ELF5: variants seen among roughly 807,000 people sequenced by gnomAD.
ELF5 encodes ETS-related transcription factor Elf-5.
Under a neutral mutation model 38.2 loss-of-function variants are expected in ELF5, and 31 were observed. The ratio of observed to expected loss-of-function variants is 0.81; its 90% CI spans 0.61 to 1.10. ELF5 has a LOEUF of 1.10. Ranked by LOEUF, ELF5 falls within the 50% of genes least tolerant of loss-of-function variation. The probability of loss-of-function intolerance (pLI) is 0.00; values close to 1 mark genes in which losing one functional copy is unlikely to be tolerated. For missense variants in ELF5, 300 were observed against 306.6 expected (o/e 0.98, Z 0.16); for synonymous variants, 121 against 112.5 (o/e 1.08, Z -0.48).
intron 2 of ELF5, among the ~76,000 whole-genome samples, chr11:34,503,707 C>A (rs972099098): frequency 2.6e-5 from 4 of 152,230 alleles, no homozygotes; most frequent in Non-Finnish European, 5.9e-5. Context: ...CTGCCTCGGC[C>A]TTCCAAAGTG....
chr11:34,499,321 A>G (rs1222423047), intron 2 of ELF5, among the ~76,000 whole-genome samples: 1 of 152,052 alleles, frequency 6.6e-6, no homozygotes, highest in Non-Finnish European at 1.5e-5. Flanking sequence ...GGCTCACCGC[A>G]GGCTCACCCT....
At chr11:34,509,062 G>A (rs576557226) in intron 1 of ELF5, among the ~76,000 whole-genome samples, 4 of 152,314 alleles carry the variant, frequency 2.6e-5, no homozygotes, top group African/African-American at 9.6e-5. Flanking sequence ...GGGTGCGGTG[G>A]TTCATGCCTG....
intron 2 of ELF5, among the ~76,000 whole-genome samples, chr11:34,496,374 C>T (rs1435466940): frequency 8.0e-5 from 12 of 149,656 alleles, no homozygotes; most frequent in African/African-American, 2.4e-4. Flanking sequence ...CTCTGGGTGC[C>T]ATGGCAGGCC....
At chr11:34,493,780 A>G in intron 2 of ELF5, 68 bp from the exon 3 acceptor site, 1 of 1,383,420 alleles carries the variant, frequency 7.2e-7, no homozygotes, top group Non-Finnish European at 1.0e-6. Flanking sequence ...CCCCTGAAGG[A>G]TGCATCAGTT....
intron 4 of ELF5, among the ~76,000 whole-genome samples, chr11:34,486,906 T>A (rs1590324083): frequency 1.3e-5 from 2 of 152,312 alleles, no homozygotes; most frequent in East Asian, 3.9e-4. Flanking sequence ...CAGGTCTTGG[T>A]CTTTGGATGG....
chr11:34,489,521 G>T (rs1564977209), intron 4 of ELF5, among the ~76,000 whole-genome samples: 1 of 152,156 alleles, frequency 6.6e-6, no homozygotes, highest in Non-Finnish European at 1.5e-5. Context: ...AGTGAAACAG[G>T]GAAGGTTAAT....
chr11:34,489,742 C>A (rs145757615), intron 4 of ELF5, among the ~76,000 whole-genome samples: 4 of 152,174 alleles, frequency 2.6e-5, no homozygotes, highest in Non-Finnish European at 5.9e-5. Flanking sequence ...AAACTTACCA[C>A]GACCCACAAG....
At chr11:34,506,170 A>G (rs1453133100) in intron 1 of ELF5, among the ~76,000 whole-genome samples, 1 of 152,226 alleles carries the variant, frequency 6.6e-6, no homozygotes, top group Non-Finnish European at 1.5e-5. Flanking sequence ...AAAGAACAAG[A>G]TCATGCCCTG....
intron 3 of ELF5, chr11:34,492,790 C>T (rs142704442): frequency 2.0e-5 from 3 of 153,670 alleles, no homozygotes; most frequent in East Asian, 1.9e-4. Context: ...ACAGGTCTTT[C>T]GGATCTCCAA....
At chr11:34,507,162 A>G (rs1057292493) in intron 1 of ELF5, among the ~76,000 whole-genome samples, 1 of 152,206 alleles carries the variant, frequency 6.6e-6, no homozygotes, top group African/African-American at 2.4e-5. Flanking sequence ...ACTCCACTGT[A>G]TATATACTAT....
chr11:34,513,213 A>G (rs1304397025), intron 1 of ELF5, among the ~76,000 whole-genome samples: 1 of 151,986 alleles, frequency 6.6e-6, no homozygotes, highest in Non-Finnish European at 1.5e-5. Flanking sequence ...AATGCCCCAA[A>G]CTATAATAAG....
chr11:34,482,246 G>T (rs2274044), intron 5 of ELF5, among the ~76,000 whole-genome samples, 185 bp downstream of exon 5: 16,128 of 152,232 alleles, frequency 0.11, 978 homozygotes, highest in East Asian at 0.29. Flanking sequence ...TCACCCACTC[G>T]TATGAGAAGA....
At chr11:34,491,092 T>C (rs1358354479) in intron 3 of ELF5, among the ~76,000 whole-genome samples, 1 of 152,196 alleles carries the variant, frequency 6.6e-6, no homozygotes, top group Non-Finnish European at 1.5e-5. Context: ...CTGTGTCCTG[T>C]TCTGCCAGAG....
chr11:34,503,558 C>T (rs1331852819), intron 2 of ELF5, among the ~76,000 whole-genome samples: 2 of 152,080 alleles, frequency 1.3e-5, no homozygotes, highest in Non-Finnish European at 2.9e-5. Context: ...AAGGGATCCT[C>T]CTGCCTCAGC....
At chr11:34,492,308 G>A (rs771694410) in intron 3 of ELF5, 1 of 152,262 alleles carries the variant, frequency 6.6e-6, no homozygotes, top group Admixed American at 6.5e-5. Flanking sequence ...AAGCGCTCAT[G>A]ATGGATGAGG....
At chr11:34,487,669 C>T (rs565544004) in intron 4 of ELF5, among the ~76,000 whole-genome samples, 29 of 152,220 alleles carry the variant, frequency 1.9e-4, no homozygotes, top group African/African-American at 7.0e-4. Context: ...AGCTCCCACC[C>T]CTCCTTCTGC....
intron 2 of ELF5, among the ~76,000 whole-genome samples, chr11:34,495,977 A>C (rs1306987442): frequency 6.6e-6 from 1 of 152,240 alleles, no homozygotes; most frequent in African/African-American, 2.4e-5. Context: ...GCCCTGCCCT[A>C]GATGGCCATC....
intron 3 of ELF5, chr11:34,492,107 A>T (rs1850192607): frequency 6.6e-6 from 1 of 152,176 alleles, no homozygotes; most frequent in African/African-American, 2.4e-5. Context: ...GGAGGATCCT[A>T]AATGGAGTCC....
intron 2 of ELF5, among the ~76,000 whole-genome samples, chr11:34,495,702 C>T (rs183363804): frequency 1.3e-5 from 2 of 152,358 alleles, no homozygotes; most frequent in Admixed American, 1.3e-4. Context: ...GTCGTAGCCT[C>T]TACCTGGCAG....
Sources: allele counts gnomAD v4.1 joint callset (sites outside exome capture counted in the v4.1 genomes callset), GRCh38; gene constraint gnomAD v4.1.1; transcripts MANE v1.5; gene names NCBI Gene and HGNC (gene_info 2026-07-23, HGNC 2026-07-21).